The following NF2 variants were observed in gnomAD, a reference collection of about 807,000 sequenced individuals.
NF2 encodes the protein NF2, moesin-ezrin-radixin like (MERLIN) tumor suppressor.
NF2 carries 8 observed loss-of-function variants against 83.7 expected under a neutral mutation model. The observed-to-expected ratio is 0.10, with a 90% CI of 0.06 to 0.17. The LOEUF (loss-of-function observed/expected upper bound fraction) is 0.17, where lower values mean the gene tolerates loss of function less well. Among genes scored for constraint, NF2 ranks in the 10% least tolerant of loss-of-function variants. The probability of loss-of-function intolerance (pLI) is 1.00; values close to 1 mark genes in which losing one functional copy is unlikely to be tolerated. For missense variants in NF2, 533 were observed against 744.4 expected, an observed-to-expected ratio of 0.72 and a Z score of 3.31; for synonymous variants, 266 against 269.6, an observed-to-expected ratio of 0.99 and a Z score of 0.13.
chr22:29,678,171 C>T, intron 13 of NF2, 25 bp from the exon 14 acceptor site: 1 of 1,613,420 alleles, frequency 6.2e-7, no homozygotes. Context: ...ACCCAAGCTC[C>T]TAATCCGAAA....
rs372014704 is a variant in NF2 at position 29,661,196 on chromosome 22, G to T, written c.676-9G>T. 4.3e-6 allele frequency: 7 copies of T among 1,614,076 alleles called. No homozygotes were observed. In the African/African-American group the frequency reaches 9.3e-5, roughly 22 times the overall value. ...GCGCTTACAGTAGCTGTTCTTATTG[G>T]ATCCACAGAATAAAAAGGGCACAGA... On this transcript the variant is annotated splice_polypyrimidine_tract_variant and intron_variant, in intron 7 of 15. Transcript: ENST00000338641.
At chr22:29,651,523 C>T (rs1211467788) in intron 4 of NF2, among the ~76,000 whole-genome samples, 1 of 152,182 alleles carries the variant, frequency 6.6e-6, no homozygotes, top group African/African-American at 2.4e-5. Context: ...TTACATAAAA[C>T]GATGAGGAGC....
chr22:29,663,356 CG>C (rs963487935), intron 8 of NF2, among the ~76,000 whole-genome samples: 2 of 152,176 alleles, frequency 1.3e-5, no homozygotes, highest in African/African-American at 2.4e-5. Context: ...ATGCCCTCTC[CG>C]GGGGACAGGC....
intron 1 of NF2, among the ~76,000 whole-genome samples, chr22:29,612,244 G>T (rs1263826221): frequency 1.3e-5 from 2 of 152,066 alleles, no homozygotes; most frequent in Non-Finnish European, 2.9e-5. Context: ...CTGACCTCAG[G>T]TGATCCACCC....
At chr22:29,626,268 C>T (rs1195399792) in intron 1 of NF2, among the ~76,000 whole-genome samples, 1 of 151,712 alleles carries the variant, frequency 6.6e-6, no homozygotes, top group Non-Finnish European at 1.5e-5. Flanking sequence ...ATTCTCTTGC[C>T]TCAGCCTCCC....
intron 1 of NF2, among the ~76,000 whole-genome samples, chr22:29,633,602 C>T (rs1199525064): frequency 6.6e-6 from 1 of 152,176 alleles, no homozygotes; most frequent in Non-Finnish European, 1.5e-5. Flanking sequence ...CTCGTCTGCT[C>T]AAGGGTCTTC....
chr22:29,624,842 TTTCTTTCTTTCTTTCTTTC>T (rs1157746625), intron 1 of NF2, among the ~76,000 whole-genome samples: 1 of 150,312 alleles, frequency 6.7e-6, no homozygotes, highest in East Asian at 1.9e-4. Flanking sequence ...TCTTTCTTTC[TTTCTTTCTTTCTTTCTTTC>T]TTTCTTTCTC....
intron 13 of NF2, among the ~76,000 whole-genome samples, chr22:29,677,298 C>T (rs533110112): frequency 1.3e-3 from 195 of 151,936 alleles, no homozygotes; most frequent in Admixed American, 3.1e-3. Context: ...GGTGAGAGAT[C>T]GTGGTGTTTG....
chr22:29,682,920 G>A lies in NF2; in HGVS notation c.1737+1319G>A, dbSNP rs892792284. 5 of 1,404,500 alleles carry A rather than the reference G, an allele frequency of 3.6e-6. No homozygotes were observed. The African/African-American group carries it at 4.2e-5, about 12-fold the overall frequency. The allele number at this position is 1,404,500 out of a possible 1,614,324, so 87.0% of individuals were successfully genotyped here. A position where few individuals can be genotyped will look rare whatever the true frequency, so the allele number is the denominator to read the frequency against. The stretch of plus-strand genomic sequence containing the variant: ...TAAAACAAACAAAATCACTCATCAC[G>A]ATTTCAGGCCTATCCAAGCATTTTG... On this transcript the variant is annotated intron_variant, in intron 15 of 15. Coordinates refer to ENST00000338641, the MANE Select transcript of NF2 (RefSeq NM_000268.4).
intron 1 of NF2, among the ~76,000 whole-genome samples, chr22:29,628,140 C>CTGTGTGTGTGTGTGTG (rs3138701): frequency 8.6e-5 from 12 of 139,770 alleles, no homozygotes; most frequent in African/African-American, 2.1e-4. Context: ...GAGACTTAAT[C>CTGTGTGTGTGTGTGTG]TGTGTGTGTG....
At chr22:29,604,527 C>A (rs2064734189) in intron 1 of NF2, among the ~76,000 whole-genome samples, 1 of 152,126 alleles carries the variant, frequency 6.6e-6, no homozygotes, top group Non-Finnish European at 1.5e-5. Flanking sequence ...GGAAAAAAAA[C>A]CCTTTGAAGA....
chr22:29,661,133 T>G (rs2147006093), intron 7 of NF2, 72 bp from the exon 8 acceptor site: 1 of 1,607,150 alleles, frequency 6.2e-7, no homozygotes, highest in Admixed American at 1.7e-5. Flanking sequence ...GTGTGCCAGA[T>G]TCTTTGGAAG....
intron 1 of NF2, among the ~76,000 whole-genome samples, chr22:29,626,150 A>G (rs1601559549): frequency 1.4e-5 from 2 of 145,658 alleles, no homozygotes; most frequent in African/African-American, 5.0e-5. Context: ...ATCCATCTGC[A>G]GACTTTTTTT....
chr22:29,627,353 C>T (rs1188073626), intron 1 of NF2, among the ~76,000 whole-genome samples: 1 of 152,132 alleles, frequency 6.6e-6, no homozygotes, highest in Non-Finnish European at 1.5e-5. Flanking sequence ...TGATTGCTCT[C>T]ATGTTGTGAG....
intron 1 of NF2, among the ~76,000 whole-genome samples, chr22:29,613,480 G>A (rs934607844): frequency 3.9e-5 from 6 of 152,092 alleles, no homozygotes; most frequent in South Asian, 4.2e-4. Context: ...GCAGTGAGTC[G>A]AGATCGTGCT....
chr22:29,622,646 ATTTT>A (rs35744962), intron 1 of NF2, among the ~76,000 whole-genome samples: 3 of 63,278 alleles, frequency 4.7e-5, no homozygotes, highest in African/African-American at 1.9e-4. Flanking sequence ...AAGACCCTGT[ATTTT>A]TTTTTTTTTT....
At chr22:29,630,625 G>T (rs1319212503) in intron 1 of NF2, among the ~76,000 whole-genome samples, 1 of 152,180 alleles carries the variant, frequency 6.6e-6, no homozygotes, top group East Asian at 1.9e-4. Flanking sequence ...GTCCACATTT[G>T]TGCTCCTTTC....
In NF2 at chr22:29,636,956, CT is replaced by C; in HGVS notation, c.240+81del. 6.3e-7 allele frequency: 1 copy of C among 1,595,602 alleles called. No homozygotes were observed. Among genetic ancestry groups the C allele is most frequent in the Non-Finnish European group, 8.6e-7 (1 of 1,164,950 alleles). On this transcript the variant is annotated intron_variant, in intron 2 of 15. Transcript: ENST00000338641. The surrounding 1 kb of genome is among the most constrained non-coding windows in gnomAD (Gnocchi z 4.4). ...CCCTGAGCAGGCGCCTAGCTCATCACTGGGGCGCTGTAGCTGTATAGTAGAG... is the reference window on the plus strand; with the variant it reads ...CCCTGAGCAGGCGCCTAGCTCATCACGGGGCGCTGTAGCTGTATAGTAGAG...
chr22:29,640,364 C>T (rs1043082937), intron 3 of NF2, among the ~76,000 whole-genome samples: 9 of 152,140 alleles, frequency 5.9e-5, no homozygotes, highest in Admixed American at 2.6e-4. Context: ...AGGCAAGCCT[C>T]ATTAAGTACA....
Sources: gnomAD v4.1 joint callset for allele counts (sites outside exome capture counted in the v4.1 genomes callset) on GRCh38, gnomAD v4.1.1 for gene constraint, Gnocchi (gnomAD v3.1) non-coding constraint, MANE v1.5 for transcripts, NCBI Gene and HGNC (gene_info 2026-07-23, HGNC 2026-07-21) for gene names.